The following FSD1L variants were observed in gnomAD, a reference collection of about 807,000 sequenced individuals.
The protein encoded by FSD1L is fibronectin type III and SPRY domain containing 1 like, also known as FSD1-like protein.
A neutral mutation model predicts 71.6 loss-of-function variants in FSD1L; 45 were observed. The ratio of observed to expected loss-of-function variants is 0.63; its 90% CI spans 0.49 to 0.81. The LOEUF (loss-of-function observed/expected upper bound fraction) is 0.81, where lower values mean the gene tolerates loss of function less well. Ranked by LOEUF, FSD1L falls within the 30% of genes least tolerant of loss-of-function variation. The probability of loss-of-function intolerance (pLI) is 0.00; values close to 1 mark genes in which losing one functional copy is unlikely to be tolerated. For missense variants in FSD1L, 561 were observed against 618.1 expected (o/e 0.91, Z 0.98); for synonymous variants, 197 against 207.2 (o/e 0.95, Z 0.42).
intron 10 of FSD1L, among the ~76,000 whole-genome samples, chr9:105,513,879 A>AT (rs1291771593): frequency 1.3e-5 from 2 of 151,990 alleles, no homozygotes; most frequent in Non-Finnish European, 2.9e-5. Flanking sequence ...TCTTTCTTGA[A>AT]TTTTTTTCCC....
chr9:105,503,042 A>G (rs1182010897), intron 7 of FSD1L, among the ~76,000 whole-genome samples: 5 of 151,552 alleles, frequency 3.3e-5, no homozygotes, highest in African/African-American at 1.2e-4. Flanking sequence ...GCCATACCCA[A>G]CTAAATTTTT....
the FSD1L span, among the ~76,000 whole-genome samples, chr9:105,442,549 A>C: frequency 3.3e-5 from 5 of 151,752 alleles, no homozygotes; most frequent in Non-Finnish European, 5.9e-5. Context: ...TTAGCTGGGC[A>C]TGGTGGCACG....
chr9:105,455,936 T>C (rs556761775), intron 1 of FSD1L, among the ~76,000 whole-genome samples: 2 of 152,364 alleles, frequency 1.3e-5, no homozygotes, highest in South Asian at 2.1e-4. Context: ...TTTTTTGGAA[T>C]ACTACTGTAG....
intron 10 of FSD1L, among the ~76,000 whole-genome samples, chr9:105,526,757 G>C (rs1312975301): frequency 6.6e-6 from 1 of 151,824 alleles, no homozygotes; most frequent in African/African-American, 2.4e-5. Context: ...CATATTTTGA[G>C]GGCAGGGGGA....
Position 105,538,527 on chromosome 9 carries a change from A to G in FSD1L, c.1379-736A>G, listed in dbSNP as rs544909265. The stretch of plus-strand genomic sequence containing the variant: ...GGAATGGTCATCAGAGAAGAGTTTC[A>G]AGAAGTGATAACAGCTGTAAGGAGG... On this transcript the variant is annotated intron_variant, in intron 12 of 13. Transcript: ENST00000481272. Among the ~76,000 whole-genome samples, 764 of 152,320 alleles carry G rather than the reference A, an allele frequency of 5.0e-3. 9 individuals are homozygous for G. Among genetic ancestry groups the G allele is most frequent in the African/African-American group, 0.017 (716 of 41,572 alleles).
chr9:105,499,723 C>G (rs555523152), intron 7 of FSD1L, among the ~76,000 whole-genome samples: 3 of 150,918 alleles, frequency 2.0e-5, no homozygotes, highest in African/African-American at 4.9e-5. Flanking sequence ...AGTTTGGTGT[C>G]TGATATTAGT....
intron 7 of FSD1L, among the ~76,000 whole-genome samples, chr9:105,495,875 T>C (rs1190954506): frequency 1.3e-5 from 2 of 151,248 alleles, no homozygotes; most frequent in Non-Finnish European, 2.9e-5. Flanking sequence ...CTCGGGAGGC[T>C]GAGGCAGAAT....
upstream of FSD1L, among the ~76,000 whole-genome samples, chr9:105,446,213 C>T (rs1241366249): frequency 1.3e-5 from 2 of 152,164 alleles, no homozygotes; most frequent in Admixed American, 1.3e-4. Flanking sequence ...TCCACAAGGC[C>T]TTTGTATTTG....
chr9:105,500,964 C>T (rs939943587), intron 7 of FSD1L, among the ~76,000 whole-genome samples: 1 of 152,182 alleles, frequency 6.6e-6, no homozygotes, highest in East Asian at 1.9e-4. Context: ...AATAGTAACT[C>T]TTCCCATCAC....
At chr9:105,478,097 T>C (rs1301435124) in intron 5 of FSD1L, among the ~76,000 whole-genome samples, 2 of 152,050 alleles carry the variant, frequency 1.3e-5, no homozygotes, top group African/African-American at 4.8e-5. Context: ...ACAAAAAAAT[T>C]TGCCGGGCGT....
upstream of FSD1L, among the ~76,000 whole-genome samples, chr9:105,447,631 G>A (rs1052433815): frequency 6.6e-6 from 1 of 152,136 alleles, no homozygotes; most frequent in Non-Finnish European, 1.5e-5. Flanking sequence ...ATCCCCTAAA[G>A]GTCTTTTCCC....
intron 1 of FSD1L, 115 bp from the exon 2 acceptor site, chr9:105,461,405 A>G: frequency 2.1e-6 from 1 of 468,512 alleles, no homozygotes; most frequent in Non-Finnish European, 3.7e-6. Context: ...CTACATGTTG[A>G]AATGATAATA....
At chr9:105,522,073 AAAAAAATAT>A (rs1231227398) in intron 10 of FSD1L, 1 of 1,613,152 alleles carries the variant, frequency 6.2e-7, no homozygotes, top group African/African-American at 1.3e-5. Context: ...TTCCAAGGGA[AAAAAAATAT>A]GACCTTGGCA....
intron 10 of FSD1L, chr9:105,520,560 A>G: frequency 7.7e-7 from 1 of 1,298,216 alleles, no homozygotes; most frequent in Non-Finnish European, 1.1e-6. Flanking sequence ...TTCATCAGCC[A>G]TGGCAGTTTC....
intron 9 of FSD1L, among the ~76,000 whole-genome samples, chr9:105,510,921 C>T (rs1038947230): frequency 3.0e-4 from 46 of 151,348 alleles, no homozygotes; most frequent in African/African-American, 1.1e-3. Context: ...ATTAAAGATA[C>T]GGGAACCAGT....
chr9:105,465,976 A>G (rs1200198665), intron 3 of FSD1L, among the ~76,000 whole-genome samples: 1 of 149,948 alleles, frequency 6.7e-6, no homozygotes, highest in Non-Finnish European at 1.5e-5. Context: ...GGTTCAAGCG[A>G]TTCTCCTGCC....
At chr9:105,519,941 C>T (rs1271779293) in intron 10 of FSD1L, among the ~76,000 whole-genome samples, 1 of 152,226 alleles carries the variant, frequency 6.6e-6, no homozygotes, top group African/African-American at 2.4e-5. Context: ...CTTGGAGCCG[C>T]GGCGCGAGGC....
At chr9:105,489,848 G>A (rs1467259406) in intron 7 of FSD1L, among the ~76,000 whole-genome samples, 1 of 152,212 alleles carries the variant, frequency 6.6e-6, no homozygotes, top group Non-Finnish European at 1.5e-5. Flanking sequence ...TCATTTTTAT[G>A]GCTGCGTAGT....
intron 7 of FSD1L, among the ~76,000 whole-genome samples, chr9:105,499,533 A>G (rs1286018874): frequency 6.6e-6 from 1 of 151,908 alleles, no homozygotes; most frequent in Non-Finnish European, 1.5e-5. Context: ...TTCAAGGTAT[A>G]CAGAATTGCT....
Sources: allele counts gnomAD v4.1 joint callset (sites outside exome capture counted in the v4.1 genomes callset), GRCh38; gene constraint gnomAD v4.1.1; transcripts MANE v1.5; gene names NCBI Gene and HGNC (gene_info 2026-07-23, HGNC 2026-07-21).